ZZEF1: variants seen among roughly 807,000 people sequenced by gnomAD.
The protein encoded by ZZEF1 is zinc finger ZZ-type and EF-hand domain-containing protein 1.
Under a neutral mutation model 342.8 loss-of-function variants are expected in ZZEF1, and 157 were observed. The observed-to-expected ratio is 0.46, with a 90% CI of 0.40 to 0.52. ZZEF1 has a LOEUF of 0.52. Ranked by LOEUF, ZZEF1 falls within the 20% of genes least tolerant of loss-of-function variation. The probability of loss-of-function intolerance (pLI) is 0.00; values close to 1 mark genes in which losing one functional copy is unlikely to be tolerated. For missense variants in ZZEF1, 3,480 were observed against 3,725.6 expected, an observed-to-expected ratio of 0.93 and a Z score of 1.72; for synonymous variants, 1,505 against 1,429.1, an observed-to-expected ratio of 1.05 and a Z score of -1.20.
intron 5 of ZZEF1, among the ~76,000 whole-genome samples, chr17:4,111,662 A>AAAAAAAAAAAAAG (rs1361081726): frequency 1.7e-5 from 1 of 58,404 alleles, no homozygotes; most frequent in Non-Finnish European, 3.6e-5. Context: ...CTGTCTCAAA[A>AAAAAAAAAAAAAG]AAAAAATATA....
At chr17:4,080,163 A>T (rs1223666418) in intron 18 of ZZEF1, among the ~76,000 whole-genome samples, 1 of 152,212 alleles carries the variant, frequency 6.6e-6, no homozygotes, top group Non-Finnish European at 1.5e-5. Context: ...TCTGTCAAAT[A>T]TCCCAAGTGA....
At chr17:4,084,081 G>A (rs528789743) in intron 16 of ZZEF1, among the ~76,000 whole-genome samples, 72 of 152,254 alleles carry the variant, frequency 4.7e-4, no homozygotes, top group Non-Finnish European at 8.8e-4. Flanking sequence ...CAACATCAAA[G>A]AGAAGCAACG....
intron 42 of ZZEF1, among the ~76,000 whole-genome samples, chr17:4,028,117 T>C (rs1289298809): frequency 6.6e-6 from 1 of 152,248 alleles, no homozygotes; most frequent in Admixed American, 6.5e-5. Flanking sequence ...TATCATAGTC[T>C]ACCTTCAGAT....
At chr17:4,057,571 T>G (rs1368205418) in intron 32 of ZZEF1, among the ~76,000 whole-genome samples, 1 of 152,038 alleles carries the variant, frequency 6.6e-6, no homozygotes, top group Non-Finnish European at 1.5e-5. Flanking sequence ...GAAGTTAGAG[T>G]GGCTAACATA....
intron 4 of ZZEF1, among the ~76,000 whole-genome samples, chr17:4,113,168 G>T (rs552754570): frequency 4.6e-5 from 7 of 152,264 alleles, no homozygotes; most frequent in South Asian, 2.1e-4. Context: ...ATGTCTAAAG[G>T]TCAAATGTGT....
chr17:4,142,725 T>A lies in ZZEF1; in HGVS notation c.171A>T (p.Arg57=). ...AAALLEPARL[R]EAAAALLPTP... ...TGGGCAGCAACGCTGCAGCAGCCTC[T>A]CGCAGCCTGGCCGGCTCCAGCAGCG... The change falls in exon 1 of 55, where the codon CGA becomes CGT. Residue 57 remains arginine, a synonymous_variant. Transcript: ENST00000381638. 1 of 1,558,826 alleles carries A rather than the reference T, an allele frequency of 6.4e-7. No individual in the cohort carries two copies. Among genetic ancestry groups the A allele is most frequent in the Non-Finnish European group, 8.6e-7 (1 of 1,157,746 alleles).
rs1183805767 is a variant in ZZEF1, at chr17:4,142,896, G to A, written c.-1C>T. 2 of 1,342,874 alleles carry A rather than the reference G, an allele frequency of 1.5e-6. No homozygotes were observed. Among genetic ancestry groups the A allele is most frequent in the Non-Finnish European group, 1.9e-6 (2 of 1,054,538 alleles). 83.2% of individuals were successfully genotyped at this position (1,342,874 alleles called of 1,614,324 possible). On this transcript the variant is annotated 5_prime_UTR_variant, in exon 1 of 55. Transcript: ENST00000381638. ...TGCTGTGACTCGGAGCGTTCCCCAT[G>A]GGGTCTCCGTCTTGGGCGCCTGGCT...
chr17:4,043,636 C>T (rs1202803130), intron 38 of ZZEF1, among the ~76,000 whole-genome samples: 1 of 152,194 alleles, frequency 6.6e-6, no homozygotes, highest in Non-Finnish European at 1.5e-5. Context: ...AGCATCTCTC[C>T]TTTATCATCC....
intron 35 of ZZEF1, among the ~76,000 whole-genome samples, chr17:4,051,652 CACAGG>C (rs1471168739): frequency 1.3e-5 from 2 of 151,168 alleles, no homozygotes; most frequent in African/African-American, 4.9e-5. Flanking sequence ...AACTCCTGAC[CACAGG>C]AGTTCGCCTC....
At chr17:4,105,541 G>A (rs2058196927) in intron 7 of ZZEF1, 152 bp downstream of exon 7, 4 of 630,772 alleles carry the variant, frequency 6.3e-6, no homozygotes, top group Non-Finnish European at 2.7e-6. Context: ...CTTTAGATGA[G>A]TGAACTATTA....
At chr17:4,121,727 A>ATT (rs113730635) in intron 2 of ZZEF1, among the ~76,000 whole-genome samples, 5 of 146,776 alleles carry the variant, frequency 3.4e-5, no homozygotes, top group African/African-American at 1.2e-4. Context: ...GGAGATACAC[A>ATT]TTTTTTTTTT....
chr17:4,117,956 T>C (rs1314880404), intron 2 of ZZEF1, among the ~76,000 whole-genome samples: 1 of 151,878 alleles, frequency 6.6e-6, no homozygotes, highest in East Asian at 1.9e-4. Flanking sequence ...ACATACATCA[T>C]ATCATTCCAT....
rs113606100 is a variant in ZZEF1 at position 4,124,140 on chromosome 17, G to A, written c.355-89C>T. The A allele has an allele frequency of 1.9e-4, 271 of 1,431,422 alleles. No homozygotes were observed. In the African/African-American group the frequency reaches 2.8e-3, roughly 15 times the overall value. The allele number at this position is 1,431,422 out of a possible 1,614,324, so 88.7% of individuals were successfully genotyped here. A position where few individuals can be genotyped will look rare whatever the true frequency, so the allele number is the denominator to read the frequency against. On this transcript the variant is annotated intron_variant, in intron 1 of 54. Transcript: ENST00000381638. Reference sequence around the variant, plus strand: ...TCTTTTATTTAAAATTCTCGAGACCGGTGATTTATTTATTTTTGGTTGCAG... The same window carrying A: ...TCTTTTATTTAAAATTCTCGAGACCAGTGATTTATTTATTTTTGGTTGCAG...
At chr17:4,051,705 C>T (rs1267237746) in intron 35 of ZZEF1, among the ~76,000 whole-genome samples, 2 of 150,444 alleles carry the variant, frequency 1.3e-5, no homozygotes, top group African/African-American at 4.9e-5. Context: ...CGTGAGCCAC[C>T]GAGCCTGGTC....
At chr17:4,097,259 AAAAAGAAAAAG>A (rs1341729084) in intron 9 of ZZEF1, among the ~76,000 whole-genome samples, 5 of 151,116 alleles carry the variant, frequency 3.3e-5, no homozygotes, top group African/African-American at 4.9e-5. Flanking sequence ...CTCAAAAAAA[AAAAAGAAAAAG>A]AAAAAGAAAA....
chr17:4,009,584 GCC>G lies in ZZEF1; in HGVS notation c.8733+18_8733+19del. 6.2e-7 allele frequency: 1 copy of G among 1,612,240 alleles called. No individual in the cohort carries two copies. The highest frequency in any genetic ancestry group is 8.5e-7 in the Non-Finnish European group (1 of 1,179,946). On this transcript the variant is annotated intron_variant, in intron 53 of 54. Transcript: ENST00000381638. ...CGCACATGGAGGCACCGGGCTCCCTGCCCAGACCTCAGGCCTCACCTGGGCAC... is the reference window on the plus strand; with the variant it reads ...CGCACATGGAGGCACCGGGCTCCCTGCAGACCTCAGGCCTCACCTGGGCAC...
At chr17:4,019,035 C>G (rs2056193306) in intron 46 of ZZEF1, among the ~76,000 whole-genome samples, 1 of 148,420 alleles carries the variant, frequency 6.7e-6, no homozygotes, top group Admixed American at 6.6e-5. Context: ...CATTATATTT[C>G]TGGTTTCTTA....
intron 26 of ZZEF1, among the ~76,000 whole-genome samples, chr17:4,069,232 A>G (rs1214507398): frequency 1.3e-5 from 2 of 152,230 alleles, no homozygotes; most frequent in South Asian, 2.1e-4. Context: ...TCCTTCAAGT[A>G]AAAAGATTAT....
Position 4,008,537 on chromosome 17 carries a change from A to G in ZZEF1, c.8805+346T>C. The stretch of plus-strand genomic sequence containing the variant: ...CCTGAGACCAAACAGCTGTCAGAAG[A>G]GGAGTTCCGCTACCAGAGAAGCAAC... On this transcript the variant is annotated intron_variant, in intron 54 of 54. Transcript: ENST00000381638. This position sits in a 1 kb window ranked among gnomAD's most constrained non-coding sequence, Gnocchi z 4.2. 1.9e-6 allele frequency: 2 copies of G among 1,055,830 alleles called. No individual in the cohort carries two copies. The highest frequency in any genetic ancestry group is 2.3e-6 in the Non-Finnish European group (2 of 874,380). The allele number at this position is 1,055,830 out of a possible 1,614,324, so 65.4% of individuals were successfully genotyped here. A position where few individuals can be genotyped will look rare whatever the true frequency, so the allele number is the denominator to read the frequency against.
Sources: allele counts gnomAD v4.1 joint callset (sites outside exome capture counted in the v4.1 genomes callset), GRCh38; gene constraint gnomAD v4.1.1; non-coding constraint Gnocchi (gnomAD v3.1); transcripts MANE v1.5; gene names NCBI Gene and HGNC (gene_info 2026-07-23, HGNC 2026-07-21).